Variants in TIAM2 observed in about 807,000 individuals in gnomAD.
The protein encoded by TIAM2 is rho guanine nucleotide exchange factor TIAM2.
In TIAM2, 80 loss-of-function variants were observed where a neutral mutation model predicts 152.9. The observed-to-expected ratio is 0.52, with a 90% CI of 0.44 to 0.63. The LOEUF is 0.63. Ranked by LOEUF, TIAM2 falls within the 30% of genes least tolerant of loss-of-function variation. The probability of loss-of-function intolerance (pLI) is 0.00; values close to 1 mark genes in which losing one functional copy is unlikely to be tolerated. For synonymous variants in TIAM2, 804 were observed against 838.0 expected, an observed-to-expected ratio of 0.96 and a Z score of 0.70; for missense variants, 1,965 against 2,120.1, an observed-to-expected ratio of 0.93 and a Z score of 1.44.
intron 4 of TIAM2, among the ~76,000 whole-genome samples, chr6:155,135,251 A>T (rs776232855): frequency 2.1e-4 from 32 of 152,160 alleles, no homozygotes; most frequent in Non-Finnish European, 4.0e-4. Flanking sequence ...CAGTTGTGTG[A>T]TTATTCTCTT....
rs200791621 is a variant in TIAM2, at chr6:155,086,664, G to C, written c.-208-3625G>C. 2.8e-5 allele frequency among the ~76,000 whole-genome samples: 4 copies of C among 141,046 alleles called. No homozygotes were observed. In the East Asian group the frequency reaches 8.6e-4, roughly 30 times the overall value. The allele number at this position is 141,046 out of a possible 152,430, so 92.5% of individuals were successfully genotyped here. A position where few individuals can be genotyped will look rare whatever the true frequency, so the allele number is the denominator to read the frequency against. ...AGAGGTTGCAGTGAGCTGAGATCGC[G>C]CCACTGTACTCCAGCCTGGGCAACA... On this transcript the variant is annotated intron_variant, in intron 1 of 26. Coordinates refer to ENST00000682666, the MANE Select transcript of TIAM2 (RefSeq NM_012454.4).
chr6:155,204,758 C>T (rs758247104), intron 14 of TIAM2, among the ~76,000 whole-genome samples: 2 of 152,122 alleles, frequency 1.3e-5, no homozygotes, highest in Admixed American at 6.5e-5. Flanking sequence ...ATCCTCAGTC[C>T]GCATATTGAA....
At chr6:155,163,287 C>A (rs896277946) in intron 7 of TIAM2, among the ~76,000 whole-genome samples, 1 of 152,178 alleles carries the variant, frequency 6.6e-6, no homozygotes, top group Non-Finnish European at 1.5e-5. Context: ...CGCTCAACAG[C>A]TTTTGAATCA....
chr6:155,104,756 C>CGA (rs539579868), intron 2 of TIAM2, among the ~76,000 whole-genome samples: 1 of 134,168 alleles, frequency 7.5e-6, no homozygotes, highest in African/African-American at 2.8e-5. Flanking sequence ...GACTCTGTCT[C>CGA]AAAAAAAAAA....
At chr6:155,247,915 A>G (rs2115337364) in intron 19 of TIAM2, 85 bp from the exon 20 acceptor site, 2 of 1,461,634 alleles carry the variant, frequency 1.4e-6, no homozygotes, top group East Asian at 2.3e-5. Flanking sequence ...ATAGAAATAG[A>G]TGATCTATAA....
rs953323185 is a variant in TIAM2 at position 155,252,799 on chromosome 6, G to A, written c.4120-149G>A. On this transcript the variant is annotated intron_variant, in intron 23 of 26. Transcript: ENST00000682666. ...TGTGAGGTCTTTGAGAACTGGGTGC[G>A]TAGCTGATTGACTTCTGTGCCCTGA... is the stretch of plus-strand genomic sequence containing the variant. 1.4e-4 allele frequency: 87 copies of A among 643,412 alleles called. No individual in the cohort carries two copies. The African/African-American group carries it at 1.4e-3, about 10-fold the overall frequency. 39.9% of individuals were successfully genotyped at this position (643,412 alleles called of 1,614,324 possible).
At chr6:155,172,657 TATATATATATATATATATATATATA>T (rs1562340973) in intron 9 of TIAM2, among the ~76,000 whole-genome samples, 59 of 10,602 alleles carry the variant, frequency 5.6e-3, no homozygotes, top group African/African-American at 0.012. Flanking sequence ...TATATATATA[TATATATATATATATATATATATATA>T]TATATTTTTT....
intron 2 of TIAM2, among the ~76,000 whole-genome samples, chr6:155,110,594 T>C (rs943283330): frequency 6.6e-6 from 1 of 152,204 alleles, no homozygotes; most frequent in Non-Finnish European, 1.5e-5. Context: ...GTCAGTCTCT[T>C]CCTGGTTCAG....
chr6:155,246,662 G>A (rs2115332848), intron 19 of TIAM2, among the ~76,000 whole-genome samples: 1 of 152,158 alleles, frequency 6.6e-6, no homozygotes, highest in Middle Eastern at 3.4e-3. Flanking sequence ...TTGACAGTCT[G>A]TAGTACAGTG....
intron 1 of TIAM2, among the ~76,000 whole-genome samples, chr6:155,060,051 C>T (rs570479048): frequency 3.3e-5 from 5 of 152,264 alleles, no homozygotes; most frequent in Non-Finnish European, 7.4e-5. Context: ...CATTAGACTG[C>T]GGCAATTATG....
At chr6:155,209,230 A>G (rs926453555) in intron 14 of TIAM2, among the ~76,000 whole-genome samples, 11 of 151,824 alleles carry the variant, frequency 7.2e-5, no homozygotes, top group Non-Finnish European at 1.2e-4. Context: ...AGCCCGCGAG[A>G]GCATTTCACT....
chr6:155,029,368 A>G (rs1371234927), intron 1 of TIAM2, among the ~76,000 whole-genome samples: 4 of 115,062 alleles, frequency 3.5e-5, no homozygotes, highest in African/African-American at 1.3e-4. Context: ...TATATAATAT[A>G]TACTATATAT....
chr6:155,167,925 A>G (rs1780486630), intron 9 of TIAM2, among the ~76,000 whole-genome samples: 1 of 152,232 alleles, frequency 6.6e-6, no homozygotes, highest in Non-Finnish European at 1.5e-5. Flanking sequence ...AGGTGTAGAC[A>G]TTCTGCTAAT....
intron 14 of TIAM2, among the ~76,000 whole-genome samples, chr6:155,185,788 C>G (rs1781028539): frequency 6.6e-6 from 1 of 152,092 alleles, no homozygotes. Context: ...AGACTGTGCT[C>G]TGTGGGTGTG....
chr6:155,001,861 A>G (rs899356656), intron 1 of TIAM2, among the ~76,000 whole-genome samples: 2 of 152,318 alleles, frequency 1.3e-5, no homozygotes, highest in East Asian at 3.9e-4. Context: ...TTCTTTTGTC[A>G]GTAGTTTGGG....
intron 20 of TIAM2, 118 bp downstream of exon 20, chr6:155,248,297 T>C: frequency 8.4e-7 from 1 of 1,186,126 alleles, no homozygotes; most frequent in Non-Finnish European, 1.2e-6. Context: ...CCTAAGTCAC[T>C]TTTCAGTTCT....
intron 15 of TIAM2, chr6:155,232,843 A>G (rs892896760): frequency 1.3e-5 from 2 of 152,192 alleles, no homozygotes; most frequent in Non-Finnish European, 2.9e-5. Flanking sequence ...ATCCTCCCCC[A>G]ACATACTTTT....
At chr6:155,170,458 A>G (rs1780557829) in intron 9 of TIAM2, among the ~76,000 whole-genome samples, 1 of 152,134 alleles carries the variant, frequency 6.6e-6, no homozygotes, top group Non-Finnish European at 1.5e-5. Context: ...TCTATCAAAA[A>G]TGCAAAAAAT....
At chr6:155,104,643 G>A (rs1031545520) in intron 2 of TIAM2, among the ~76,000 whole-genome samples, 19 of 151,980 alleles carry the variant, frequency 1.3e-4, no homozygotes, top group East Asian at 5.8e-4. Context: ...TGTAGTCCCA[G>A]CTACTAGGGA....
Sources: allele counts gnomAD v4.1 joint callset (sites outside exome capture counted in the v4.1 genomes callset), GRCh38; gene constraint gnomAD v4.1.1; transcripts MANE v1.5; gene names NCBI Gene and HGNC (gene_info 2026-07-23, HGNC 2026-07-21).